Variants in HGS observed in about 807,000 individuals in gnomAD.
The protein encoded by HGS is human growth factor-regulated tyrosine kinase substrate.
A neutral mutation model predicts 109.7 loss-of-function variants in HGS; 63 were observed. The observed-to-expected ratio is 0.57, with a 90% CI of 0.47 to 0.71. The LOEUF (loss-of-function observed/expected upper bound fraction) is 0.71, where lower values mean the gene tolerates loss of function less well. Among genes scored for constraint, HGS ranks in the 30% least tolerant of loss-of-function variants. The pLI is 0.00. For synonymous variants in HGS, 546 were observed against 437.3 expected (o/e 1.25, Z -3.10); for missense variants, 995 against 1,068.3 (o/e 0.93, Z 0.96).
intron 18 of HGS, 121 bp downstream of exon 18, chr17:81,697,119 G>T (rs1450626132): frequency 1.7e-5 from 19 of 1,096,406 alleles, no homozygotes; most frequent in Non-Finnish European, 2.5e-6. Context: ...TGTGAATGTT[G>T]TCCCTGCTTT....
intron 2 of HGS, among the ~76,000 whole-genome samples, chr17:81,686,045 C>G (rs1390978616): frequency 6.6e-6 from 1 of 152,136 alleles, no homozygotes; most frequent in Non-Finnish European, 1.5e-5. Context: ...ATCGTCCCAC[C>G]TCAACCTCCT....
Position 81,695,068 on chromosome 17 carries a change from G to A in HGS, c.1119+1G>A. ...CGCAGCCCCCACCAACGTGGTGGAG[G>A]TGAGGGGGCCACTCCCGGCATTCCT... On this transcript the variant is annotated splice_donor_variant, in intron 13 of 21. Transcript: ENST00000329138. LOFTEE classifies it high-confidence loss of function. 1 of 1,612,882 alleles carries A rather than the reference G, an allele frequency of 6.2e-7. No homozygotes were observed. Among genetic ancestry groups the A allele is most frequent in the Non-Finnish European group, 8.5e-7 (1 of 1,179,110 alleles).
rs922968989 is a variant in HGS, at chr17:81,693,574, A to G, written c.734A>G (p.Gln245Arg). The G allele has an allele frequency of 7.5e-6, 12 of 1,606,918 alleles. No individual in the cohort carries two copies. The highest frequency in any genetic ancestry group is 1.0e-5 in the Non-Finnish European group (12 of 1,174,908). The change falls in exon 9 of 22, where the codon CAG (glutamine) becomes CGG (arginine). Residue 245 changes from glutamine to arginine, a missense_variant. Physicochemically the swap from Gln to Arg is conservative, Grantham distance 43 (BLOSUM62 1). This residue lies in a region of HGS where 300 missense variants were observed against 235.4 expected (regional missense o/e 1.27). Transcript: ENST00000329138. ...TACCTGACCAGCCCCCTGTCTCAGC[A>G]GTCCCAGGTACTCAGCCCCCTCCGT... ...PEYLTSPLSQ[Q>R]SQLPPKRDET...
intron 3 of HGS, among the ~76,000 whole-genome samples, chr17:81,686,694 T>G (rs1598743456): frequency 6.6e-6 from 1 of 152,382 alleles, no homozygotes; most frequent in East Asian, 1.9e-4. Flanking sequence ...GGAGCGGTGC[T>G]GTGCAGGCTG....
At position 81,701,546 on chromosome 17, in the gene HGS, C is replaced by T. The variant is rs567783998; in HGVS notation, c.2262C>T (p.Pro754=). 1.1e-4 allele frequency: 172 copies of T among 1,567,266 alleles called. 2 individuals carry two copies. Among genetic ancestry groups the T allele is most frequent in the South Asian group, 3.9e-4 (34 of 86,692 alleles). The change falls in exon 22 of 22, where the codon CCC becomes CCT. Residue 754 remains proline (P), a synonymous_variant. Transcript: ENST00000329138. The part of the protein sequence containing the change: ...PSGGPPQQQP[P]VAQQPQAQGP... ...GCGGTCCCCCCCAGCAGCAGCCCCCCGTGGCCCAGCAACCGCAGGCACAGG... is the reference window on the plus strand; with the variant it reads ...GCGGTCCCCCCCAGCAGCAGCCCCCTGTGGCCCAGCAACCGCAGGCACAGG...
intron 8 of HGS, chr17:81,692,375 A>G (rs2037077912): frequency 1.3e-5 from 2 of 151,976 alleles, no homozygotes; most frequent in South Asian, 4.2e-4. Flanking sequence ...TGAGGCTCCC[A>G]CCTGCTTAGG....
intron 11 of HGS, among the ~76,000 whole-genome samples, chr17:81,694,242 C>A (rs2037110867): frequency 6.6e-6 from 1 of 152,218 alleles, no homozygotes; most frequent in South Asian, 2.1e-4. Context: ...TTCCACACCC[C>A]TCCCGCCCCA....
At chr17:81,700,964 TTGGA>T (rs1455959222) in intron 20 of HGS, 77 bp from the exon 21 acceptor site, 1 of 1,540,558 alleles carries the variant, frequency 6.5e-7, no homozygotes, top group Non-Finnish European at 9.0e-7. Context: ...GTGGTCACCT[TTGGA>T]TTGTTGCAAG....
intron 2 of HGS, 150 bp downstream of exon 2, chr17:81,685,839 C>A: frequency 1.7e-6 from 1 of 572,952 alleles, no homozygotes; most frequent in Non-Finnish European, 3.0e-6. Context: ...GATTTTTTGA[C>A]ATCTTGGAGG....
At chr17:81,693,628 C>T (rs766509279) in intron 9 of HGS, 26 bp from the exon 10 acceptor site, 14 of 1,546,712 alleles carry the variant, frequency 9.1e-6, no homozygotes, top group Non-Finnish European at 1.2e-5. Context: ...CCGGCGCCCC[C>T]CCTCACCCTC....
chr17:81,700,237 C>T (rs1400026083), intron 18 of HGS, among the ~76,000 whole-genome samples: 3 of 146,858 alleles, frequency 2.0e-5, no homozygotes, highest in African/African-American at 2.5e-5. Context: ...GGCGTAGTGG[C>T]GTACGCCCGT....
rs989063681 is a variant in HGS at position 81,700,724 on chromosome 17, C to T, written c.2046C>T (p.Leu682=). The change falls in exon 20 of 22, where the codon CTC becomes CTT. Residue 682 remains leucine (L), a synonymous_variant. Transcript: ENST00000329138. ...TGGCCTCCCAGGCCCCACAGAGCCTCCCGGCCATCTCTCAGCCTCCGCAGT... is the reference window on the plus strand; with the variant it reads ...TGGCCTCCCAGGCCCCACAGAGCCTTCCGGCCATCTCTCAGCCTCCGCAGT... ...QNVASQAPQS[L]PAISQPPQSS... The T allele has an allele frequency of 3.7e-6, 6 of 1,612,362 alleles. No homozygotes were observed. Among genetic ancestry groups the T allele is most frequent in the Non-Finnish European group, 5.1e-6 (6 of 1,179,796 alleles).
rs773215505 is a variant in HGS at position 81,701,270 on chromosome 17, C to T, written c.2223+139C>T. 4 of 844,274 alleles carry T rather than the reference C, an allele frequency of 4.7e-6. No individual in the cohort carries two copies. The South Asian group carries it at 6.1e-5, about 13-fold the overall frequency. The allele number at this position is 844,274 out of a possible 1,614,324, so 52.3% of individuals were successfully genotyped here. On this transcript the variant is annotated intron_variant, in intron 21 of 21. Coordinates refer to ENST00000329138, the MANE Select transcript of HGS (RefSeq NM_004712.5). ...GGGAGACGCATACCCGAGGCCCCTT[C>T]TCAGCAGACAGAACGAGGACACAAG...
chr17:81,700,806 A>C lies in HGS; in HGVS notation c.2128A>C (p.Asn710His). 6.2e-7 allele frequency: 1 copy of C among 1,611,998 alleles called. No individual in the cohort carries two copies. The highest frequency in any genetic ancestry group is 1.3e-5 in the African/African-American group (1 of 75,020). ...AGTCTCCATGGGCTACCAGCCTTAC[A>C]ACATGCAGGTACAGTGACCTCCAGG... ...QSVSMGYQPY[N>H]MQNLMTTLPS... Residue 710 changes from asparagine to histidine, a missense_variant, in exon 20 of 22, where the codon AAC becomes CAC. Transcript: ENST00000329138.
At chr17:81,690,525 C>CG (rs2037047380) in intron 6 of HGS, 149 bp from the exon 7 acceptor site, 1 of 720,122 alleles carries the variant, frequency 1.4e-6, no homozygotes, top group African/African-American at 1.8e-5. Context: ...CCCCAGGCCA[C>CG]GCCGCTGGGA....
intron 5 of HGS, among the ~76,000 whole-genome samples, 196 bp from the exon 6 acceptor site, chr17:81,689,986 C>T (rs540490543): frequency 6.6e-6 from 1 of 152,244 alleles, no homozygotes; most frequent in South Asian, 2.1e-4. Flanking sequence ...TGGCTCTTGT[C>T]TCCCGCCACA....
In HGS at chr17:81,693,940, C is replaced by T; in HGVS notation, c.911C>T (p.Ala304Val). The T allele has an allele frequency of 6.2e-7, 1 of 1,611,394 alleles. No homozygotes were observed. Among genetic ancestry groups the T allele is most frequent in the South Asian group, 1.1e-5 (1 of 91,014 alleles). ...CCCTCGGCCTCCTCAGCGCCCCCCG[C>T]CAGCAGCCTGTACTCTTCACCTGTG... Reference protein sequence around the residue: ...PMPSASSAPPASSLYSSPVNS... With the variant: ...PMPSASSAPPVSSLYSSPVNS... Residue 304 changes from alanine (A) to valine (V), a missense_variant, in exon 11 of 22, where the codon GCC (alanine) becomes GTC (valine). Around this residue, in one of 6 missense-constraint regions of HGS, gnomAD observed 300 missense variants for 235.4 expected, o/e 1.27. Coordinates refer to ENST00000329138, the MANE Select transcript of HGS (RefSeq NM_004712.5).
chr17:81,693,623 GC>G (rs145574263), intron 9 of HGS, 30 bp from the exon 10 acceptor site: 19 of 1,536,522 alleles, frequency 1.2e-5, no homozygotes, highest in South Asian at 4.7e-5. Context: ...CTTCCCCGGC[GC>G]CCCCCCTCAC....
In HGS at chr17:81,686,450, A is replaced by G. The variant is rs1426846072; in HGVS notation, c.198+63A>G. 6.6e-6 allele frequency: 8 copies of G among 1,214,108 alleles called. No homozygotes were observed. The South Asian group carries it at 8.5e-5, about 13-fold the overall frequency. The allele number at this position is 1,214,108 out of a possible 1,614,324, so 75.2% of individuals were successfully genotyped here. ...CCTACCCCCTACTAGTCACGACAGC[A>G]TGAGAAGAGTTTGTCCTGTGGCCTT... is the stretch of plus-strand genomic sequence containing the variant. On this transcript the variant is annotated intron_variant, in intron 3 of 21. Transcript: ENST00000329138.
Sources: gnomAD v4.1 joint callset for allele counts (sites outside exome capture counted in the v4.1 genomes callset) on GRCh38, gnomAD v4.1.1 for gene constraint, gnomAD v4.1.1 regional missense constraint, MANE v1.5 for transcripts, NCBI Gene and HGNC (gene_info 2026-07-23, HGNC 2026-07-21) for gene names.